MIPOL1: variants seen among roughly 807,000 people sequenced by gnomAD.
MIPOL1 encodes the protein mirror-image polydactyly 1, also known as mirror-image polydactyly gene 1 protein.
Under a neutral mutation model 60.9 loss-of-function variants are expected in MIPOL1, and 57 were observed. The observed-to-expected ratio is 0.94, with a 90% CI of 0.76 to 1.17. The LOEUF is 1.17. Among genes scored for constraint, MIPOL1 ranks in the 50% most tolerant of loss-of-function variants. The pLI is 0.00. For missense variants in MIPOL1, 551 were observed against 511.6 expected (o/e 1.08, Z -0.74); for synonymous variants, 179 against 168.8 (o/e 1.06, Z -0.47).
intron 1 of MIPOL1, chr14:37,240,359 T>C (rs760570034): frequency 2.0e-5 from 3 of 152,214 alleles, no homozygotes; most frequent in East Asian, 3.8e-4. Flanking sequence ...AGCTATTCTT[T>C]TGTTTGATTT....
At chr14:37,507,154 G>T (rs113620541) in intron 12 of MIPOL1, 2 of 152,274 alleles carry the variant, frequency 1.3e-5, no homozygotes, top group African/African-American at 4.8e-5. Flanking sequence ...TACACTGCTG[G>T]TGGGAGTGTA....
At chr14:37,481,235 A>C (rs1419096484) in intron 11 of MIPOL1, among the ~76,000 whole-genome samples, 1 of 152,188 alleles carries the variant, frequency 6.6e-6, no homozygotes, top group African/African-American at 2.4e-5. Flanking sequence ...ACAACAAACT[A>C]TCTGAACCAG....
At chr14:37,263,690 C>A (rs575121484) in intron 3 of MIPOL1, among the ~76,000 whole-genome samples, 6 of 152,238 alleles carry the variant, frequency 3.9e-5, no homozygotes, top group African/African-American at 1.4e-4. Flanking sequence ...ACAGTTTATT[C>A]TTTAAGTCCA....
At chr14:37,386,675 GTTAA>G (rs2093077406) in intron 10 of MIPOL1, among the ~76,000 whole-genome samples, 1 of 151,918 alleles carries the variant, frequency 6.6e-6, no homozygotes, top group Non-Finnish European at 1.5e-5. Context: ...TTGGATAATT[GTTAA>G]TTGTTTAGAT....
At chr14:37,489,000 G>A (rs1220015889) in intron 11 of MIPOL1, among the ~76,000 whole-genome samples, 1 of 152,124 alleles carries the variant, frequency 6.6e-6, no homozygotes, top group Non-Finnish European at 1.5e-5. Flanking sequence ...GCTAGGTTGG[G>A]GAATTTCTCC....
intron 7 of MIPOL1, among the ~76,000 whole-genome samples, chr14:37,288,052 G>A (rs2084730466): frequency 6.6e-6 from 1 of 152,188 alleles, no homozygotes; most frequent in African/African-American, 2.4e-5. Flanking sequence ...CCAAGCTTGA[G>A]GATTGCAGCC....
At chr14:37,207,820 A>G (rs536595438) in intron 1 of MIPOL1, among the ~76,000 whole-genome samples, 2 of 152,324 alleles carry the variant, frequency 1.3e-5, no homozygotes, top group South Asian at 4.1e-4. Flanking sequence ...TGCTGGGATT[A>G]CAGGTGTGAG....
intron 11 of MIPOL1, among the ~76,000 whole-genome samples, chr14:37,438,020 A>G (rs1381092639): frequency 6.6e-6 from 1 of 152,048 alleles, no homozygotes; most frequent in South Asian, 2.1e-4. Flanking sequence ...TGTAGTTAAG[A>G]TGGTTGATTT....
chr14:37,294,953 A>C (rs1159145318), intron 7 of MIPOL1, among the ~76,000 whole-genome samples: 1 of 152,184 alleles, frequency 6.6e-6, no homozygotes, highest in Non-Finnish European at 1.5e-5. Context: ...ATTACAGAGA[A>C]CACCACAAAG....
At chr14:37,488,733 A>G (rs1238141582) in intron 11 of MIPOL1, among the ~76,000 whole-genome samples, 1 of 152,120 alleles carries the variant, frequency 6.6e-6, no homozygotes. Flanking sequence ...CTGGGTTGAA[A>G]ATTCTTTTCT....
intron 11 of MIPOL1, among the ~76,000 whole-genome samples, chr14:37,478,672 T>G (rs1254450009): frequency 6.6e-6 from 1 of 151,984 alleles, no homozygotes; most frequent in Admixed American, 6.6e-5. Flanking sequence ...TACAAGAGAC[T>G]AACTTTACTT....
chr14:37,239,228 G>A (rs953074654), intron 1 of MIPOL1, among the ~76,000 whole-genome samples: 1 of 151,622 alleles, frequency 6.6e-6, no homozygotes, highest in Non-Finnish European at 1.5e-5. Flanking sequence ...TGTATTTTTA[G>A]TAGAGACGGA....
intron 1 of MIPOL1, among the ~76,000 whole-genome samples, chr14:37,208,546 A>T (rs1966468237): frequency 6.6e-6 from 1 of 152,188 alleles, no homozygotes; most frequent in African/African-American, 2.4e-5. Flanking sequence ...GGACAGTTTA[A>T]TGAATGAATA....
At chr14:37,461,884 C>T (rs2094543115) in intron 11 of MIPOL1, among the ~76,000 whole-genome samples, 1 of 152,206 alleles carries the variant, frequency 6.6e-6, no homozygotes, top group Admixed American at 6.5e-5. Flanking sequence ...CTCCCAACTG[C>T]CTTCATGGGC....
rs1165672390 is a variant in MIPOL1, at chr14:37,268,658, C to T, written c.252C>T (p.Asn84=). 3.8e-6 allele frequency: 6 copies of T among 1,573,766 alleles called. No homozygotes were observed. Among genetic ancestry groups the T allele is most frequent in the South Asian group, 2.4e-5 (2 of 84,210 alleles). Residue 84 remains asparagine (N), a splice_region_variant and synonymous_variant, in exon 5 of 13, where the codon AAC becomes AAT. Transcript: ENST00000684589. ...ESVYCTTEKY[N]VMEHRHNDMH... ...ATGTTAATCAGTTTCTTTATTACAG[C>T]GTTATGGAACATAGACATAATGATA...
intron 11 of MIPOL1, among the ~76,000 whole-genome samples, chr14:37,459,856 G>C (rs1369320046): frequency 6.6e-6 from 1 of 152,068 alleles, no homozygotes; most frequent in African/African-American, 2.4e-5. Context: ...GGGCAGATAA[G>C]TTGAGGTCAG....
chr14:37,393,490 A>G (rs796502090), intron 10 of MIPOL1, among the ~76,000 whole-genome samples: 1 of 151,870 alleles, frequency 6.6e-6, no homozygotes, highest in African/African-American at 2.4e-5. Flanking sequence ...GTTGCAACAT[A>G]CATATAACAT....
chr14:37,419,052 T>C (rs2093822705), intron 10 of MIPOL1, among the ~76,000 whole-genome samples: 1 of 152,130 alleles, frequency 6.6e-6, no homozygotes, highest in Non-Finnish European at 1.5e-5. Flanking sequence ...TATGTCGATA[T>C]TTATAGCAGC....
intron 9 of MIPOL1, among the ~76,000 whole-genome samples, chr14:37,359,277 A>G (rs2092069968): frequency 1.3e-5 from 2 of 152,212 alleles, no homozygotes; most frequent in Admixed American, 6.5e-5. Context: ...TGATGCTTCC[A>G]GCTTTCTTCT....
Sources: gnomAD v4.1 joint callset for allele counts (sites outside exome capture counted in the v4.1 genomes callset) on GRCh38, gnomAD v4.1.1 for gene constraint, MANE v1.5 for transcripts, NCBI Gene and HGNC (gene_info 2026-07-23, HGNC 2026-07-21) for gene names.